Variants in CCT2 observed in about 807,000 individuals in gnomAD.
CCT2 encodes the protein chaperonin containing TCP1 subunit 2, also known as T-complex protein 1 subunit beta.
A neutral mutation model predicts 61.8 loss-of-function variants in CCT2; 18 were observed. That is an observed-to-expected ratio of 0.29 (90% CI 0.20 to 0.43). The LOEUF is 0.43. CCT2 is among the 20% of genes least tolerant of loss of function. The probability of loss-of-function intolerance (pLI) is 1.00; values close to 1 mark genes in which losing one functional copy is unlikely to be tolerated. For synonymous variants in CCT2, 248 were observed against 215.9 expected, an observed-to-expected ratio of 1.15 and a Z score of -1.30; for missense variants, 556 against 656.9, an observed-to-expected ratio of 0.85 and a Z score of 1.68.
intron 6 of CCT2, among the ~76,000 whole-genome samples, chr12:69,588,776 C>T (rs959139262): frequency 1.3e-5 from 2 of 152,222 alleles, no homozygotes; most frequent in African/African-American, 4.8e-5. Flanking sequence ...CAAACCTGGG[C>T]TGCACAGCAG....
chr12:69,585,832 C>G, intron 1 of CCT2: 2 of 1,333,136 alleles, frequency 1.5e-6, no homozygotes, highest in Non-Finnish European at 1.9e-6. Flanking sequence ...CTCCGCCCTC[C>G]TTCTAGGGGC....
At chr12:69,595,844 CT>C (rs771300992) in intron 10 of CCT2, among the ~76,000 whole-genome samples, 48 of 152,282 alleles carry the variant, frequency 3.2e-4, no homozygotes, top group Non-Finnish European at 5.9e-4. Flanking sequence ...CACATGGTGG[CT>C]CCCATCCTTA....
At position 69,585,952 on chromosome 12, in the gene CCT2, G is replaced by A. The variant is rs983075169; in HGVS notation, c.4-318G>A. 6.2e-6 allele frequency: 8 copies of A among 1,292,014 alleles called. No homozygotes were observed. In the East Asian group the frequency reaches 2.1e-4, roughly 34 times the overall value. 80.0% of individuals were successfully genotyped at this position (1,292,014 alleles called of 1,614,324 possible). A position where few individuals can be genotyped will look rare whatever the true frequency, so the allele number is the denominator to read the frequency against. On this transcript the variant is annotated intron_variant, in intron 1 of 15. Transcript: ENST00000299300. ...TCGCCCGCCCGGCAGGCGTCACCTTGATGGCCTGCAACCCCTCCCTGCCTC... is the reference window on the plus strand; with the variant it reads ...TCGCCCGCCCGGCAGGCGTCACCTTAATGGCCTGCAACCCCTCCCTGCCTC...
chr12:69,589,728 C>G, intron 7 of CCT2, 41 bp downstream of exon 7: 1 of 1,468,502 alleles, frequency 6.8e-7, no homozygotes, highest in Non-Finnish European at 9.5e-7. Context: ...TGATTAGATG[C>G]TGAGGGCTGA....
At position 69,598,360 on chromosome 12, in the gene CCT2, T is replaced by G. The variant is rs769031766; in HGVS notation, c.1374T>G (p.Ser458Arg). 15 of 1,605,046 alleles carry G rather than the reference T, an allele frequency of 9.3e-6. No homozygotes were observed. Among genetic ancestry groups the G allele is most frequent in the Non-Finnish European group, 1.3e-5 (15 of 1,176,330 alleles). The change falls in exon 14 of 16, where the codon AGT becomes AGG. Residue 458 changes from serine (S) to arginine (R), a missense_variant. Coordinates refer to ENST00000299300, the MANE Select transcript of CCT2 (RefSeq NM_006431.3). Reference sequence around the variant, plus strand: ...TAGCTGACAATGCAGGCTATGACAGTGCAGACCTGGTGGCACAGCTCAGGG... The same window carrying G: ...TAGCTGACAATGCAGGCTATGACAGGGCAGACCTGGTGGCACAGCTCAGGG... ...TIIADNAGYD[S>R]ADLVAQLRAA...
rs535733585 is a variant in CCT2 at position 69,594,323 on chromosome 12, GTAACCT to G, written c.982+712_982+717del. ...CCTTTGTAGTAGTACAGTTACAATA[GTAACCT>G]TTATTGAACATTTACTGTGTGCTGG... On this transcript the variant is annotated intron_variant, in intron 10 of 15. Transcript: ENST00000299300. Among the ~76,000 whole-genome samples the G allele has an allele frequency of 5.9e-5, 9 of 152,230 alleles. No individual in the cohort carries two copies. In the East Asian group the frequency reaches 1.2e-3, roughly 20 times the overall value.
intron 7 of CCT2, among the ~76,000 whole-genome samples, chr12:69,590,907 C>T (rs943114471): frequency 6.6e-6 from 1 of 150,458 alleles, no homozygotes; most frequent in African/African-American, 2.5e-5. Flanking sequence ...TTAGTAGAGA[C>T]GGGGTATCGC....
chr12:69,597,971 G>C lies in CCT2; in HGVS notation c.1235G>C (p.Cys412Ser), dbSNP rs199557780. 2.0e-5 allele frequency: 32 copies of C among 1,612,464 alleles called. No individual in the cohort carries two copies. The East Asian group carries it at 6.7e-4, about 34-fold the overall frequency. ...TTATTGGAATTTTAATCTTTAGGCTGTTCTGAGATGTTGATGGCTCATGCT... is the reference window on the plus strand; with the variant it reads ...TTATTGGAATTTTAATCTTTAGGCTCTTCTGAGATGTTGATGGCTCATGCT... ...KDSRTVYGGGCSEMLMAHAVT... is the reference protein window; with the variant it reads ...KDSRTVYGGGSSEMLMAHAVT... Residue 412 changes from cysteine (C) to serine (S), a missense_variant, in exon 13 of 16, where the codon TGT (cysteine) becomes TCT (serine). Around this residue, in one of 3 missense-constraint regions of CCT2, gnomAD observed 225 missense variants for 249.8 expected, o/e 0.90. Transcript: ENST00000299300.
Sources: allele counts gnomAD v4.1 joint callset (sites outside exome capture counted in the v4.1 genomes callset), GRCh38; gene constraint gnomAD v4.1.1; regional missense constraint gnomAD v4.1.1; transcripts MANE v1.5; gene names NCBI Gene and HGNC (gene_info 2026-07-23, HGNC 2026-07-21).